GAPT: variants seen among roughly 807,000 people sequenced by gnomAD.
The protein encoded by GAPT is protein GAPT.
For missense variants in GAPT, 206 were observed against 189.2 expected, an observed-to-expected ratio of 1.09 and a Z score of -0.52; for synonymous variants, 82 against 69.7, an observed-to-expected ratio of 1.18 and a Z score of -0.88.
rs1271207157 is a variant in GAPT at position 58,496,829 on chromosome 5, A to T, written c.*1819A>T. 1 of 167,418 alleles carries T rather than the reference A, an allele frequency of 6.0e-6. No homozygotes were observed. The highest frequency in any genetic ancestry group is 6.5e-5 in the Admixed American group (1 of 15,274). 10.4% of individuals were successfully genotyped at this position (167,418 alleles called of 1,614,324 possible). ...TTCTCTGCAACCTGTCAGAAGCACC[A>T]GCACCAGCCAGGTGGCACCCTCCCT... On this transcript the variant is annotated 3_prime_UTR_variant, in exon 3 of 3. Coordinates refer to ENST00000502276, the MANE Select transcript of GAPT (RefSeq NM_001304431.2).
In GAPT at chr5:58,495,101, C is replaced by A; in HGVS notation, c.*91C>A. 1 of 757,534 alleles carries A rather than the reference C, an allele frequency of 1.3e-6. No individual in the cohort carries two copies. The highest frequency in any genetic ancestry group is 2.1e-6 in the Non-Finnish European group (1 of 472,092). 46.9% of individuals were successfully genotyped at this position (757,534 alleles called of 1,614,324 possible). ...ACAAGGAATCAAACTAAATGTTGAT[C>A]AACTGTAGACTGGATAAAGAAAATG... On this transcript the variant is annotated 3_prime_UTR_variant, in exon 3 of 3. Coordinates refer to ENST00000502276, the MANE Select transcript of GAPT (RefSeq NM_001304431.2).
intron 1 of GAPT, among the ~76,000 whole-genome samples, chr5:58,493,291 G>A (rs566027008): frequency 1.3e-5 from 2 of 152,236 alleles, no homozygotes; most frequent in African/African-American, 4.8e-5. Flanking sequence ...CAGTAATAAT[G>A]TTTTGTTGAT....
chr5:58,493,938 A>G (rs1455216233), intron 2 of GAPT, 100 bp downstream of exon 2: 1 of 152,158 alleles, frequency 6.6e-6, no homozygotes, highest in Non-Finnish European at 1.5e-5. Context: ...ATTGTCAAAA[A>G]CTATGTGGAG....
intron 1 of GAPT, 73 bp from the exon 2 acceptor site, chr5:58,493,638 G>C (rs149474120): frequency 9.2e-5 from 14 of 152,050 alleles, no homozygotes; most frequent in African/African-American, 2.7e-4. Context: ...CATTCTCTGG[G>C]AACATACAGA....
Position 58,494,412 on chromosome 5 carries a change from C to G in GAPT, c.-125C>G, listed in dbSNP as rs531906405. On this transcript the variant is annotated 5_prime_UTR_variant, in exon 3 of 3. The change creates a new upstream start codon in the 5' untranslated region. Transcript: ENST00000502276. Reference sequence around the variant, plus strand: ...TTTACCAGATAATGTTCTTCCAGATCTGAAAAGGAAAATGCCTAAAAGAGC... The same window carrying G: ...TTTACCAGATAATGTTCTTCCAGATGTGAAAAGGAAAATGCCTAAAAGAGC... The G allele has an allele frequency of 2.7e-6, 2 of 729,264 alleles. No individual in the cohort carries two copies. The highest frequency in any genetic ancestry group is 4.5e-6 in the Non-Finnish European group (2 of 447,498). The allele number at this position is 729,264 out of a possible 1,614,324, so 45.2% of individuals were successfully genotyped here. A position where few individuals can be genotyped will look rare whatever the true frequency, so the allele number is the denominator to read the frequency against.
At position 58,494,977 on chromosome 5, in the gene GAPT, T is replaced by C; in HGVS notation, c.441T>C (p.Asp147=). ...QKPRPSEVPQ[D]EDIYILPDSY Reference sequence around the variant, plus strand: ...CTCGTCCTTCTGAAGTTCCTCAAGATGAAGATATATACATTCTTCCAGATT... The same window carrying C: ...CTCGTCCTTCTGAAGTTCCTCAAGACGAAGATATATACATTCTTCCAGATT... The change falls in exon 3 of 3, where the codon GAT becomes GAC. Residue 147 remains aspartate, a synonymous_variant. Coordinates refer to ENST00000502276, the MANE Select transcript of GAPT (RefSeq NM_001304431.2). 6.2e-7 allele frequency: 1 copy of C among 1,611,110 alleles called. No individual in the cohort carries two copies. The highest frequency in any genetic ancestry group is 8.5e-7 in the Non-Finnish European group (1 of 1,177,718).
At position 58,494,804 on chromosome 5, in the gene GAPT, CACG is replaced by C. The variant is rs1193894890; in HGVS notation, c.271_273del (p.Asp91del). 2 of 1,613,962 alleles carry C rather than the reference CACG, an allele frequency of 1.2e-6. No homozygotes were observed. The highest frequency in any genetic ancestry group is 1.7e-6 in the Non-Finnish European group (2 of 1,179,964). On this transcript the variant is annotated inframe_deletion, in exon 3 of 3. Transcript: ENST00000502276. ...ATCTGCTGTCAGGGGAAATAACACA[CACG>C]ACAACTATGAAAATGTGGAAGCAGG...
At position 58,494,906 on chromosome 5, in the gene GAPT, A is replaced by G. The variant is rs762786215; in HGVS notation, c.370A>G (p.Ile124Val). ...NTGQSNFEEH[I>V]YGNETSSDYY... is the part of the protein sequence containing the mutation. Reference sequence around the variant, plus strand: ...AGGGCAGTCTAATTTCGAGGAGCATATCTATGGAAATGAGACATCTTCTGA... The same window carrying G: ...AGGGCAGTCTAATTTCGAGGAGCATGTCTATGGAAATGAGACATCTTCTGA... The change falls in exon 3 of 3, where the codon ATC (isoleucine) becomes GTC (valine). Residue 124 changes from isoleucine to valine, a missense_variant. Ile to Val is a conservative substitution (Grantham distance 29). Coordinates refer to ENST00000502276, the MANE Select transcript of GAPT (RefSeq NM_001304431.2). 1.9e-6 allele frequency: 3 copies of G among 1,613,864 alleles called. No homozygotes were observed. The highest frequency in any genetic ancestry group is 1.3e-5 in the African/African-American group (1 of 74,938).
At position 58,494,678 on chromosome 5, in the gene GAPT, C is replaced by T. The variant is rs1392709818; in HGVS notation, c.142C>T (p.Gln48Ter). 1.1e-5 allele frequency: 17 copies of T among 1,613,846 alleles called. No individual in the cohort carries two copies. Among genetic ancestry groups the T allele is most frequent in the Non-Finnish European group, 1.4e-5 (17 of 1,179,954 alleles). ...ACGATTTACCTTACCGAGGTTTTTA[C>T]AAAGGAGAAGCAGCAGGAGAAAAGT... ...ATRFTLPRFL[Q>*]RRSSRRKVCT... Residue 48 changes from glutamine (Q) to a stop codon, truncating the protein, a stop_gained, in exon 3 of 3, where the codon CAA becomes TAA. Transcript: ENST00000502276. LOFTEE classifies it low-confidence loss of function (END_TRUNC).
rs1390345000 is a variant in GAPT, at chr5:58,495,732, T to C, written c.*722T>C. Reference sequence around the variant, plus strand: ...ATTGTCATAGGCTCCTAACTGTTCCTCCTGCTTCTAGTTTCTACCCACTCA... The same window carrying C: ...ATTGTCATAGGCTCCTAACTGTTCCCCCTGCTTCTAGTTTCTACCCACTCA... On this transcript the variant is annotated 3_prime_UTR_variant, in exon 3 of 3. Coordinates refer to ENST00000502276, the MANE Select transcript of GAPT (RefSeq NM_001304431.2). The C allele has an allele frequency of 1.8e-5, 3 of 165,830 alleles. No individual in the cohort carries two copies. The highest frequency in any genetic ancestry group is 6.5e-5 in the Admixed American group (1 of 15,288). 10.3% of individuals were successfully genotyped at this position (165,830 alleles called of 1,614,324 possible).
In GAPT at chr5:58,496,615, A is replaced by G. The variant is rs1238862271; in HGVS notation, c.*1605A>G. ...GGCCTCTGCAAACATTTCTTTTGCC[A>G]GGTGGATCCATTCTATTCTCTACCA... On this transcript the variant is annotated 3_prime_UTR_variant, in exon 3 of 3. Transcript: ENST00000502276. 6.0e-6 allele frequency: 1 copy of G among 167,102 alleles called. No homozygotes were observed. Among genetic ancestry groups the G allele is most frequent in the Non-Finnish European group, 1.5e-5 (1 of 68,126 alleles). 10.4% of individuals were successfully genotyped at this position (167,102 alleles called of 1,614,324 possible). A position where few individuals can be genotyped will look rare whatever the true frequency, so the allele number is the denominator to read the frequency against.
In GAPT at chr5:58,492,141, T is replaced by C. The variant is rs192684395; in HGVS notation, c.-419+600T>C. On this transcript the variant is annotated intron_variant, in intron 1 of 2. Coordinates refer to ENST00000502276, the MANE Select transcript of GAPT (RefSeq NM_001304431.2). The stretch of plus-strand genomic sequence containing the variant: ...CATAGAATAACATAGATGGTAAAAA[T>C]GCCTTTTCTTCTTAAAAATTAAGAG... Among the ~76,000 whole-genome samples, 119 of 152,302 alleles carry C rather than the reference T, an allele frequency of 7.8e-4. 2 individuals are homozygous for C. The highest frequency in any genetic ancestry group is 2.7e-3 in the African/African-American group (113 of 41,580).
chr5:58,495,262 G>T lies in GAPT; in HGVS notation c.*252G>T. On this transcript the variant is annotated 3_prime_UTR_variant, in exon 3 of 3. Transcript: ENST00000502276. ...ATAAGAACACATGGAGAGAAGGAGA[G>T]GAACAACAGACACTGGGGCCTACTT... is the stretch of plus-strand genomic sequence containing the variant. The T allele has an allele frequency of 1.8e-5, 6 of 340,022 alleles. No homozygotes were observed. Among genetic ancestry groups the T allele is most frequent in the South Asian group, 4.7e-5 (1 of 21,182 alleles). 21.1% of individuals were successfully genotyped at this position (340,022 alleles called of 1,614,324 possible). A position where few individuals can be genotyped will look rare whatever the true frequency, so the allele number is the denominator to read the frequency against.
chr5:58,493,018 A>G (rs1025096738), intron 1 of GAPT, among the ~76,000 whole-genome samples: 2 of 152,172 alleles, frequency 1.3e-5, no homozygotes, highest in Admixed American at 6.6e-5. Context: ...GGAAATTTTT[A>G]CCTGAATTCT....
At chr5:58,492,485 AC>A (rs964284144) in intron 1 of GAPT, among the ~76,000 whole-genome samples, 43 of 152,062 alleles carry the variant, frequency 2.8e-4, no homozygotes, top group African/African-American at 1.0e-3. Context: ...TAAAGGAGGG[AC>A]CCTGCAGATT....
In GAPT at chr5:58,491,456, GA is replaced by G. The variant is rs1316816104; in HGVS notation, c.-499del. 1 of 152,080 alleles carries G rather than the reference GA, an allele frequency of 6.6e-6. No individual in the cohort carries two copies. The highest frequency in any genetic ancestry group is 1.5e-5 in the Non-Finnish European group (1 of 68,006). The allele number at this position is 152,080 out of a possible 1,614,324, so 9.4% of individuals were successfully genotyped here. ...AAAGAAGGAAGTAACCCACCAAAGT[GA>G]AAAAGAGGAACAAGTTCTAACCCAA... On this transcript the variant is annotated 5_prime_UTR_variant, in exon 1 of 3. Coordinates refer to ENST00000502276, the MANE Select transcript of GAPT (RefSeq NM_001304431.2).
rs1012505919 is a variant in GAPT, at chr5:58,496,674, G to A, written c.*1664G>A. ...CACTAAGGAAGACCGAAAGGCAGTA[G>A]GAGGCAACAGGGAATTGCTCCTGCC... is the stretch of plus-strand genomic sequence containing the variant. On this transcript the variant is annotated 3_prime_UTR_variant, in exon 3 of 3. Transcript: ENST00000502276. The A allele has an allele frequency of 4.8e-5, 8 of 167,066 alleles. No homozygotes were observed. Among genetic ancestry groups the A allele is most frequent in the Non-Finnish European group, 5.9e-5 (4 of 68,114 alleles). The allele number at this position is 167,066 out of a possible 1,614,324, so 10.3% of individuals were successfully genotyped here. A position where few individuals can be genotyped will look rare whatever the true frequency, so the allele number is the denominator to read the frequency against.
At chr5:58,492,189 A>T (rs955380071) in intron 1 of GAPT, among the ~76,000 whole-genome samples, 1 of 152,204 alleles carries the variant, frequency 6.6e-6, no homozygotes, top group Non-Finnish European at 1.5e-5. Flanking sequence ...CCTTATCCTC[A>T]GCTACAGAAG....
At chr5:58,492,202 A>G (rs1744277256) in intron 1 of GAPT, among the ~76,000 whole-genome samples, 1 of 152,196 alleles carries the variant, frequency 6.6e-6, no homozygotes, top group Admixed American at 6.5e-5. Flanking sequence ...TACAGAAGTG[A>G]CAATAGTTAG....
Sources: gnomAD v4.1 joint callset for allele counts (sites outside exome capture counted in the v4.1 genomes callset) on GRCh38, gnomAD v4.1.1 for gene constraint, MANE v1.5 for transcripts, NCBI Gene and HGNC (gene_info 2026-07-23, HGNC 2026-07-21) for gene names.